Variants in EGFR observed in about 807,000 individuals in gnomAD.
EGFR encodes avian erythroblastic leukemia viral (v-erb-b) oncogene homolog.
Under a neutral mutation model 143.0 loss-of-function variants are expected in EGFR, and 58 were observed. That is an observed-to-expected ratio of 0.41 (90% CI 0.33 to 0.50). The LOEUF is 0.50. Among genes scored for constraint, EGFR ranks in the 20% least tolerant of loss-of-function variants. The pLI is 0.39. For missense variants in EGFR, 1,307 were observed against 1,579.0 expected (o/e 0.83, Z 2.92); for synonymous variants, 613 against 594.4 (o/e 1.03, Z -0.45).
intron 15 of EGFR, 62 bp from the exon 16 acceptor site, chr7:55,171,113 C>T (rs1786328916): frequency 6.2e-7 from 1 of 1,609,588 alleles, no homozygotes; most frequent in Non-Finnish European, 8.5e-7. Flanking sequence ...TTAAAAATCT[C>T]CAAAATATAT....
At chr7:55,117,382 C>T (rs1792923214) in intron 1 of EGFR, among the ~76,000 whole-genome samples, 1 of 151,516 alleles carries the variant, frequency 6.6e-6, no homozygotes, top group Non-Finnish European at 1.5e-5. Flanking sequence ...GGGCATTTCC[C>T]GGGGTGGGGG....
At chr7:55,074,084 A>T (rs1370051862) in intron 1 of EGFR, among the ~76,000 whole-genome samples, 2 of 152,202 alleles carry the variant, frequency 1.3e-5, no homozygotes, top group East Asian at 3.8e-4. Flanking sequence ...CTCATTCACC[A>T]CATCTGCCTC....
At chr7:55,198,428 A>G (rs939104725) in intron 22 of EGFR, among the ~76,000 whole-genome samples, 14 of 152,106 alleles carry the variant, frequency 9.2e-5, no homozygotes, top group Admixed American at 2.6e-4. Context: ...TTAATTACCA[A>G]AGTTTACCAC....
intron 1 of EGFR, among the ~76,000 whole-genome samples, chr7:55,077,161 T>C (rs932661882): frequency 6.6e-6 from 1 of 152,162 alleles, no homozygotes; most frequent in African/African-American, 2.4e-5. Context: ...AAAGATGGTA[T>C]TTCGGTCAGA....
chr7:55,082,532 C>T (rs1049841111), intron 1 of EGFR, among the ~76,000 whole-genome samples: 2 of 152,216 alleles, frequency 1.3e-5, no homozygotes, highest in African/African-American at 4.8e-5. Flanking sequence ...GAAAGCAGGA[C>T]AGCATCTTAC....
chr7:55,050,787 C>A (rs1034855733), intron 1 of EGFR, among the ~76,000 whole-genome samples: 1 of 152,184 alleles, frequency 6.6e-6, no homozygotes, highest in Admixed American at 6.5e-5. Flanking sequence ...TCATCTCTAC[C>A]AGATGAACTC....
intron 1 of EGFR, among the ~76,000 whole-genome samples, chr7:55,068,064 G>A (rs111311018): frequency 5.1e-5 from 6 of 117,890 alleles, no homozygotes; most frequent in African/African-American, 1.0e-4. Context: ...GTATGTACGC[G>A]TGTGCATACG....
intron 2 of EGFR, among the ~76,000 whole-genome samples, chr7:55,142,870 C>CCATAATG (rs1401917834): frequency 6.6e-6 from 1 of 152,220 alleles, no homozygotes; most frequent in East Asian, 1.9e-4. Context: ...CTAATGACCC[C>CCATAATG]ATAGGAGCCA....
chr7:55,185,243 G>A (rs1024890446), intron 20 of EGFR, among the ~76,000 whole-genome samples: 6 of 152,192 alleles, frequency 3.9e-5, no homozygotes, highest in Non-Finnish European at 8.8e-5. Context: ...CAAGGAAAAT[G>A]GATTTTGTTC....
chr7:55,047,956 T>C (rs2128872530), intron 1 of EGFR, among the ~76,000 whole-genome samples: 1 of 152,218 alleles, frequency 6.6e-6, no homozygotes, highest in South Asian at 2.1e-4. Context: ...GAATTCAGTT[T>C]CACATATAAA....
At chr7:55,122,420 C>T (rs1225136153) in intron 1 of EGFR, among the ~76,000 whole-genome samples, 1 of 152,198 alleles carries the variant, frequency 6.6e-6, no homozygotes, top group Non-Finnish European at 1.5e-5. Context: ...CTGCTGGTGG[C>T]AGTGGGGGGA....
At chr7:55,053,428 C>T (rs1788606209) in intron 1 of EGFR, among the ~76,000 whole-genome samples, 1 of 152,220 alleles carries the variant, frequency 6.6e-6, no homozygotes, top group Non-Finnish European at 1.5e-5. Context: ...AAATCATTTT[C>T]CTGTGGCAAC....
At chr7:55,038,146 G>A (rs1787703818) in intron 1 of EGFR, among the ~76,000 whole-genome samples, 1 of 152,166 alleles carries the variant, frequency 6.6e-6, no homozygotes, top group Admixed American at 6.5e-5. Flanking sequence ...ACATTCAGGT[G>A]GATCCGTTTT....
At chr7:55,082,055 A>G (rs576860145) in intron 1 of EGFR, among the ~76,000 whole-genome samples, 8 of 152,292 alleles carry the variant, frequency 5.3e-5, no homozygotes, top group African/African-American at 1.4e-4. Flanking sequence ...TGATTTCACA[A>G]TGCAGGCTGG....
chr7:55,075,584 C>T (rs1790090478), intron 1 of EGFR, among the ~76,000 whole-genome samples: 1 of 152,124 alleles, frequency 6.6e-6, no homozygotes, highest in Non-Finnish European at 1.5e-5. Flanking sequence ...CTTGGAGACA[C>T]ATCCTCTTGA....
chr7:55,036,681 T>TAAA lies in EGFR; in HGVS notation c.88+17318_88+17320dup, dbSNP rs529777647. Among the ~76,000 whole-genome samples, 21 of 152,294 alleles carry TAAA rather than the reference T, an allele frequency of 1.4e-4. 1 individual carries two copies. In the South Asian group the frequency reaches 4.1e-3, roughly 30 times the overall value. The stretch of plus-strand genomic sequence containing the variant: ...TATTCTTTCTTTTGATATAACTAGC[T>TAAA]AAAAGATCTCTTAAATTCAAAGTGG... On this transcript the variant is annotated intron_variant, in intron 1 of 27. Transcript: ENST00000275493.
chr7:55,036,856 C>CAACTGCAGA lies in EGFR; in HGVS notation c.88+17502_88+17510dup, dbSNP rs566180015. On this transcript the variant is annotated intron_variant, in intron 1 of 27. Transcript: ENST00000275493. ...ACCTCCTCTCTTAACAGGCATTAAC[C>CAACTGCAGA]AACTGCAGAAACTGCAGAAGGACAG... 6.6e-5 allele frequency among the ~76,000 whole-genome samples: 10 copies of CAACTGCAGA among 152,232 alleles called. No homozygotes were observed. In the East Asian group the frequency reaches 1.9e-3, roughly 29 times the overall value.
chr7:55,070,840 A>G (rs1349621302), intron 1 of EGFR, among the ~76,000 whole-genome samples: 1 of 152,224 alleles, frequency 6.6e-6, no homozygotes, highest in East Asian at 1.9e-4. Flanking sequence ...TCCTTCCCCT[A>G]TACCAGTCTT....
At chr7:55,156,063 C>A in intron 8 of EGFR, 117 bp downstream of exon 8, 1 of 786,798 alleles carries the variant, frequency 1.3e-6, no homozygotes, top group South Asian at 1.5e-5. Context: ...CTATACATAT[C>A]GTTTCTTTAA....
Sources: allele counts gnomAD v4.1 joint callset (sites outside exome capture counted in the v4.1 genomes callset), GRCh38; gene constraint gnomAD v4.1.1; transcripts MANE v1.5; gene names NCBI Gene and HGNC (gene_info 2026-07-23, HGNC 2026-07-21).